The following LDHAL6A variants were observed in gnomAD, a reference collection of about 807,000 sequenced individuals.
LDHAL6A encodes the protein lactate dehydrogenase A like 6A, also known as L-lactate dehydrogenase A-like 6A.
LDHAL6A carries 19 observed loss-of-function variants against 28.2 expected under a neutral mutation model. The ratio of observed to expected loss-of-function variants is 0.67; its 90% CI spans 0.47 to 0.99. The LOEUF (loss-of-function observed/expected upper bound fraction) is 0.99, where lower values mean the gene tolerates loss of function less well. Ranked by LOEUF, LDHAL6A falls within the 50% of genes least tolerant of loss-of-function variation. The pLI, the probability that LDHAL6A is intolerant of heterozygous loss-of-function variation, is 0.00. For missense variants in LDHAL6A, 372 were observed against 398.6 expected (o/e 0.93, Z 0.57); for synonymous variants, 144 against 134.4 (o/e 1.07, Z -0.49).
Position 18,478,758 on chromosome 11 carries a change from G to GACACTA in LDHAL6A, c.888_889insCACTAA (p.Gly296_Glu297insHisTer). 6.2e-7 allele frequency: 1 copy of GACACTA among 1,613,312 alleles called. No individual in the cohort carries two copies. Among genetic ancestry groups the GACACTA allele is most frequent in the Non-Finnish European group, 8.5e-7 (1 of 1,179,374 alleles). On this transcript the variant is annotated stop_gained and inframe_insertion, in exon 7 of 7. Coordinates refer to ENST00000280706, the MANE Select transcript of LDHAL6A (RefSeq NM_144972.5). LOFTEE classifies it low-confidence loss of function (END_TRUNC). ...TTCCTTAGTGTCCCATGTATCCTGG[G>GACACTA]AGAGAATGGTATCACAGACCTCATA...
At chr11:18,459,537 T>C (rs1848844540) in intron 1 of LDHAL6A, among the ~76,000 whole-genome samples, 1 of 152,232 alleles carries the variant, frequency 6.6e-6, no homozygotes, top group South Asian at 2.1e-4. Flanking sequence ...TGTGGGTCAG[T>C]ACTCCTTAGT....
In LDHAL6A at chr11:18,456,594, C is replaced by A. The variant is rs529164441; in HGVS notation, c.-87C>A. ...CCCAGGAGTTCTCTATACGCGCTCT[C>A]ACCGCAGGTCTTGGAATTCCAAGCC... is the stretch of plus-strand genomic sequence containing the variant. On this transcript the variant is annotated 5_prime_UTR_variant, in exon 1 of 7. It introduces an in-frame stop codon into an upstream open reading frame of the 5' UTR. Coordinates refer to ENST00000280706, the MANE Select transcript of LDHAL6A (RefSeq NM_144972.5). 16 of 1,274,878 alleles carry A rather than the reference C, an allele frequency of 1.3e-5. No individual in the cohort carries two copies. In the East Asian group the frequency reaches 3.5e-4, roughly 28 times the overall value. 79.0% of individuals were successfully genotyped at this position (1,274,878 alleles called of 1,614,324 possible).
chr11:18,462,659 A>AAAAAC (rs1848954466), intron 1 of LDHAL6A, among the ~76,000 whole-genome samples: 1 of 137,364 alleles, frequency 7.3e-6, no homozygotes. Flanking sequence ...AACAAACAAA[A>AAAAAC]AAAAAAACAA....
At chr11:18,472,745 C>A (rs1214885561) in intron 3 of LDHAL6A, among the ~76,000 whole-genome samples, 7 of 152,144 alleles carry the variant, frequency 4.6e-5, no homozygotes, top group Non-Finnish European at 7.4e-5. Context: ...CTATTCTAAT[C>A]ATCTAAAACA....
chr11:18,478,095 T>C (rs1192395800), intron 6 of LDHAL6A, among the ~76,000 whole-genome samples: 1 of 152,190 alleles, frequency 6.6e-6, no homozygotes, highest in Non-Finnish European at 1.5e-5. Flanking sequence ...TGTCCAATGA[T>C]GAGATCTAAG....
chr11:18,456,565 C>G lies in LDHAL6A; in HGVS notation c.-116C>G, dbSNP rs55906125. The G allele has an allele frequency of 1.6e-5, 14 of 863,174 alleles. No homozygotes were observed. The highest frequency in any genetic ancestry group is 6.1e-5 in the South Asian group (4 of 65,532). 53.5% of individuals were successfully genotyped at this position (863,174 alleles called of 1,614,324 possible). ...TGTGTCTGCAGCACCTCCTTCCACACGGGCCCAGGAGTTCTCTATACGCGC... is the reference window on the plus strand; with the variant it reads ...TGTGTCTGCAGCACCTCCTTCCACAGGGGCCCAGGAGTTCTCTATACGCGC... On this transcript the variant is annotated 5_prime_UTR_variant, in exon 1 of 7. Transcript: ENST00000280706.
At position 18,456,787 on chromosome 11, in the gene LDHAL6A, C is replaced by A. The variant is rs747636278; in HGVS notation, c.107C>A (p.Ala36Asp). The A allele has an allele frequency of 1.2e-6, 2 of 1,612,672 alleles. No homozygotes were observed. Among genetic ancestry groups the A allele is most frequent in the Non-Finnish European group, 1.7e-6 (2 of 1,179,706 alleles). ...ACTGGATCGGTTGGTGTGGCTTGTG[C>A]TATCAGCATCTTATTAAAAGTAAGT... is the stretch of plus-strand genomic sequence containing the variant. ...VGTGSVGVAC[A>D]ISILLKGLSD... The change falls in exon 1 of 7, where the codon GCT becomes GAT. Residue 36 changes from alanine (A) to aspartate (D), a missense_variant. Physicochemically the swap from Ala to Asp is moderately radical, Grantham distance 126. This residue lies in a region of LDHAL6A where 77 missense variants were observed against 77.9 expected (regional missense o/e 0.99). Coordinates refer to ENST00000280706, the MANE Select transcript of LDHAL6A (RefSeq NM_144972.5).
chr11:18,477,785 A>G, intron 6 of LDHAL6A, 42 bp downstream of exon 6: 3 of 1,557,768 alleles, frequency 1.9e-6, no homozygotes, highest in East Asian at 2.3e-5. Context: ...TCAACATAAA[A>G]TAGGGGGGTA....
intron 3 of LDHAL6A, among the ~76,000 whole-genome samples, chr11:18,467,749 T>C (rs890381762): frequency 1.8e-4 from 27 of 149,862 alleles, no homozygotes; most frequent in Admixed American, 1.6e-3. Flanking sequence ...TCCTAGCTAC[T>C]TGGGAGGCTG....
Position 18,476,468 on chromosome 11 carries a change from A to T in LDHAL6A, c.677A>T (p.Gln226Leu). ...ATAGGAACTGATAAAGATCCTGAGCAGTGGGAAAATGTCCACAAAAAAGTG... is the reference window on the plus strand; with the variant it reads ...ATAGGAACTGATAAAGATCCTGAGCTGTGGGAAAATGTCCACAAAAAAGTG... Reference protein sequence around the residue: ...PDIGTDKDPEQWENVHKKVIS... With the variant: ...PDIGTDKDPELWENVHKKVIS... The change falls in exon 5 of 7, where the codon CAG becomes CTG. Residue 226 changes from glutamine to leucine, a missense_variant. Physicochemically the swap from Gln to Leu is moderately radical, Grantham distance 113 (BLOSUM62 -2). Transcript: ENST00000280706. 6.2e-7 allele frequency: 1 copy of T among 1,614,052 alleles called. No individual in the cohort carries two copies. Among genetic ancestry groups the T allele is most frequent in the Non-Finnish European group, 8.5e-7 (1 of 1,179,958 alleles).
At chr11:18,475,209 A>G (rs1241211908) in intron 3 of LDHAL6A, 1 of 356,802 alleles carries the variant, frequency 2.8e-6, no homozygotes, top group Non-Finnish European at 5.1e-6. Context: ...GTTTATTCAT[A>G]TTTCTCAGAA....
chr11:18,460,728 C>A (rs1027016622), intron 1 of LDHAL6A, among the ~76,000 whole-genome samples: 1 of 152,018 alleles, frequency 6.6e-6, no homozygotes, highest in Non-Finnish European at 1.5e-5. Flanking sequence ...CCACTGTACT[C>A]CAGCTTGGGT....
chr11:18,468,037 ACATATATATACG>A (rs1590254750), intron 3 of LDHAL6A, among the ~76,000 whole-genome samples: 1 of 14,746 alleles, frequency 6.8e-5, no homozygotes, highest in African/African-American at 1.6e-4. Context: ...ATATATATAT[ACATATATATACG>A]TATATATATA....
rs1169323159 is a variant in LDHAL6A at position 18,468,032 on chromosome 11, TATATAC to T, written c.418+2228_418+2233del. Among the ~76,000 whole-genome samples, 27 of 14,882 alleles carry T rather than the reference TATATAC, an allele frequency of 1.8e-3. 1 individual carries two copies. In the East Asian group the frequency reaches 0.049, roughly 27 times the overall value. 9.8% of individuals were successfully genotyped at this position (14,882 alleles called of 152,430 possible). ...ATATATACATATATATACGTATATA[TATATAC>T]ATATATATACGTATATATATATACA... On this transcript the variant is annotated intron_variant, in intron 3 of 6. Coordinates refer to ENST00000280706, the MANE Select transcript of LDHAL6A (RefSeq NM_144972.5).
Position 18,477,726 on chromosome 11 carries a change from G to T in LDHAL6A, c.817G>T (p.Val273Phe), listed in dbSNP as rs754190988. 1 of 1,608,306 alleles carries T rather than the reference G, an allele frequency of 6.2e-7. No homozygotes were observed. The highest frequency in any genetic ancestry group is 1.7e-5 in the Admixed American group (1 of 58,716). The change falls in exon 6 of 7, where the codon GTT becomes TTT. Residue 273 changes from valine to phenylalanine, a missense_variant. Val to Phe is a conservative substitution (Grantham distance 50, BLOSUM62 -1). Coordinates refer to ENST00000280706, the MANE Select transcript of LDHAL6A (RefSeq NM_144972.5). The stretch of plus-strand genomic sequence containing the variant: ...GAAGAATCTTAGGAGAGTGCATCCA[G>T]TTTCTACCCTAAGTAAGGTAGGACA... ...ILKNLRRVHP[V>F]STLSKGLYGI...
intron 3 of LDHAL6A, among the ~76,000 whole-genome samples, chr11:18,468,048 CGT>C (rs1491363911): frequency 0.53 from 17,851 of 33,822 alleles, 4,025 homozygotes; most frequent in East Asian, 0.68. Flanking sequence ...CATATATATA[CGT>C]ATATATATAT....
chr11:18,470,238 T>G (rs1849225287), intron 3 of LDHAL6A, among the ~76,000 whole-genome samples: 1 of 152,150 alleles, frequency 6.6e-6, no homozygotes, highest in Non-Finnish European at 1.5e-5. Flanking sequence ...TGATAATATT[T>G]AGCTAAAATT....
intron 1 of LDHAL6A, among the ~76,000 whole-genome samples, chr11:18,458,299 G>A (rs897896092): frequency 5.0e-4 from 76 of 152,238 alleles, no homozygotes; most frequent in African/African-American, 1.6e-3. Flanking sequence ...ACTGGTGATG[G>A]GAGGCACAGG....
At chr11:18,464,982 TTTTTGTTTTGTTTTG>T (rs1191478080) in intron 2 of LDHAL6A, among the ~76,000 whole-genome samples, 1 of 136,950 alleles carries the variant, frequency 7.3e-6, no homozygotes, top group African/African-American at 3.0e-5. Flanking sequence ...TTTTTGTTTT[TTTTTGTTTTGTTTTG>T]TTTTGGTTTG....
Sources: allele counts gnomAD v4.1 joint callset (sites outside exome capture counted in the v4.1 genomes callset), GRCh38; gene constraint gnomAD v4.1.1; regional missense constraint gnomAD v4.1.1; transcripts MANE v1.5; gene names NCBI Gene and HGNC (gene_info 2026-07-23, HGNC 2026-07-21).